Variants in ACOX3 observed in about 807,000 individuals in gnomAD.
ACOX3 encodes the protein acyl-CoA oxidase 3, pristanoyl, also known as peroxisomal acyl-coenzyme A oxidase 3.
Under a neutral mutation model 81.5 loss-of-function variants are expected in ACOX3, and 73 were observed. The ratio of observed to expected loss-of-function variants is 0.90; its 90% CI spans 0.74 to 1.09. The LOEUF (loss-of-function observed/expected upper bound fraction) is 1.09, where lower values mean the gene tolerates loss of function less well. Ranked by LOEUF, ACOX3 falls within the 50% of genes least tolerant of loss-of-function variation. The probability of loss-of-function intolerance (pLI) is 0.00; values close to 1 mark genes in which losing one functional copy is unlikely to be tolerated. For synonymous variants in ACOX3, 387 were observed against 375.1 expected (o/e 1.03, Z -0.37); for missense variants, 947 against 928.0 (o/e 1.02, Z -0.27).
In ACOX3 at chr4:8,381,201, A is replaced by T. The variant is rs1031748898; in HGVS notation, c.1653+291T>A. Among the ~76,000 whole-genome samples, 2 of 152,214 alleles carry T rather than the reference A, an allele frequency of 1.3e-5. No homozygotes were observed. Among genetic ancestry groups the T allele is most frequent in the Non-Finnish European group, 2.9e-5 (2 of 68,044 alleles). On this transcript the variant is annotated intron_variant, in intron 14 of 17. Coordinates refer to ENST00000356406, the MANE Select transcript of ACOX3 (RefSeq NM_003501.3). This position sits in a 1 kb window ranked among gnomAD's most constrained non-coding sequence, Gnocchi z 4.3. ...CAATGGTGTCTCCGCCACTCTGTGC[A>T]TCCAAGGCTCTCACAACCCAGAGCT...
At position 8,399,595 on chromosome 4, in the gene ACOX3, T is replaced by A. The variant is rs1363177837; in HGVS notation, c.834A>T (p.Gly278=). 1 of 1,614,084 alleles carries A rather than the reference T, an allele frequency of 6.2e-7. No homozygotes were observed. The highest frequency in any genetic ancestry group is 1.1e-5 in the South Asian group (1 of 91,074). ...VPRQSLLNRM[G]DVTPEGTYVS... ...CATAGGTGCCCTCGGGGGTGACGTCTCCCATCCGGTTCAGAAGGCTCTGGC... is the reference window on the plus strand; with the variant it reads ...CATAGGTGCCCTCGGGGGTGACGTCACCCATCCGGTTCAGAAGGCTCTGGC... The change falls in exon 8 of 18, where the codon GGA becomes GGT. Residue 278 remains glycine (G), a synonymous_variant. Coordinates refer to ENST00000356406, the MANE Select transcript of ACOX3 (RefSeq NM_003501.3). The surrounding 1 kb of genome is among the most constrained non-coding windows in gnomAD (Gnocchi z 4.9).
rs1374909108 is a variant in ACOX3 at position 8,406,291 on chromosome 4, C to G, written c.688-248G>C. 1.3e-5 allele frequency among the ~76,000 whole-genome samples: 2 copies of G among 152,122 alleles called. No individual in the cohort carries two copies. The highest frequency in any genetic ancestry group is 2.9e-5 in the Non-Finnish European group (2 of 68,036). On this transcript the variant is annotated intron_variant, in intron 6 of 17. Coordinates refer to ENST00000356406, the MANE Select transcript of ACOX3 (RefSeq NM_003501.3). The surrounding 1 kb of genome is among the most constrained non-coding windows in gnomAD (Gnocchi z 5.6). ...TCAAGATAAGGTCATCCCAAATCAC[C>G]CAGGTGGGCCCTAAATCCCACGGCA...
At chr4:8,365,661 A>G (rs1181030001), downstream of ACOX3, among the ~76,000 whole-genome samples, 1 of 152,214 alleles carries the variant, frequency 6.6e-6, no homozygotes. Flanking sequence ...CTGAGTGCTC[A>G]GTAAGGTGCT....
At chr4:8,433,261 T>C (rs1434892697) in intron 1 of ACOX3, among the ~76,000 whole-genome samples, 1 of 152,248 alleles carries the variant, frequency 6.6e-6, no homozygotes, top group African/African-American at 2.4e-5. Context: ...AGTTATTCAC[T>C]ATGAGATTAT....
At chr4:8,356,100 A>C in the ACOX3 span, 1 of 217,114 alleles carries the variant, frequency 4.6e-6, no homozygotes, top group Non-Finnish European at 9.4e-6. Flanking sequence ...GGAAGAGGAG[A>C]CTTACCATGT....
In ACOX3 at chr4:8,394,573, C is replaced by A; in HGVS notation, c.1179+47G>T. ...AAGGTTGAATCTATGCTGCTCCAAC[C>A]GTGTGAGATTTAAACGATGCTGCTG... On this transcript the variant is annotated intron_variant, in intron 10 of 17. Transcript: ENST00000356406. The surrounding 1 kb of genome is among the most constrained non-coding windows in gnomAD (Gnocchi z 5.9). 1.2e-6 allele frequency: 2 copies of A among 1,603,344 alleles called. No homozygotes were observed. Among genetic ancestry groups the A allele is most frequent in the South Asian group, 2.2e-5 (2 of 90,474 alleles).
At position 8,432,149 on chromosome 4, in the gene ACOX3, G is replaced by A. The variant is rs1579007372; in HGVS notation, c.-15+8499C>T. ...GGTAGGCAGCTGAAAACGGTGTTGG[G>A]AAAGAGTTGTGGAACATAAATGTGG... On this transcript the variant is annotated intron_variant, in intron 1 of 17. Coordinates refer to ENST00000356406, the MANE Select transcript of ACOX3 (RefSeq NM_003501.3). This position sits in a 1 kb window ranked among gnomAD's most constrained non-coding sequence, Gnocchi z 6.2. Among the ~76,000 whole-genome samples, 1 of 152,208 alleles carries A rather than the reference G, an allele frequency of 6.6e-6. No homozygotes were observed. Among genetic ancestry groups the A allele is most frequent in the African/African-American group, 2.4e-5 (1 of 41,438 alleles).
rs1448276715 is a variant in ACOX3 at position 8,381,850 on chromosome 4, C to G, written c.1538-243G>C. Among the ~76,000 whole-genome samples, 1 of 152,248 alleles carries G rather than the reference C, an allele frequency of 6.6e-6. No individual in the cohort carries two copies. The highest frequency in any genetic ancestry group is 2.1e-4 in the South Asian group (1 of 4,838). On this transcript the variant is annotated intron_variant, in intron 13 of 17. Transcript: ENST00000356406. The surrounding 1 kb of genome is among the most constrained non-coding windows in gnomAD (Gnocchi z 4.3). ...GCTCAGCCCAGGGCTGTCCTGAGTT[C>G]TACACTGTTCCAGCAGCCTGGAGGC...
chr4:8,399,781 G>T lies in ACOX3; in HGVS notation c.777-129C>A. The T allele has an allele frequency of 1.3e-6, 1 of 763,952 alleles. No homozygotes were observed. Among genetic ancestry groups the T allele is most frequent in the Non-Finnish European group, 2.2e-6 (1 of 463,046 alleles). The allele number at this position is 763,952 out of a possible 1,614,324, so 47.3% of individuals were successfully genotyped here. A position where few individuals can be genotyped will look rare whatever the true frequency, so the allele number is the denominator to read the frequency against. On this transcript the variant is annotated intron_variant, in intron 7 of 17. Coordinates refer to ENST00000356406, the MANE Select transcript of ACOX3 (RefSeq NM_003501.3). The surrounding 1 kb of genome is among the most constrained non-coding windows in gnomAD (Gnocchi z 4.9). Reference sequence around the variant, plus strand: ...AAAATGGCAGAGGGCAAGTAGACAGGAACATTCAACCAACTTTCTATTCAA... The same window carrying T: ...AAAATGGCAGAGGGCAAGTAGACAGTAACATTCAACCAACTTTCTATTCAA...
chr4:8,374,884 G>A (rs1286046931), intron 15 of ACOX3, 94 bp downstream of exon 15: 3 of 1,357,156 alleles, frequency 2.2e-6, no homozygotes, highest in South Asian at 1.6e-5. Context: ...GAGTCCCGTG[G>A]AAGGAGGACG....
At chr4:8,435,771 G>A (rs2109052489) in intron 1 of ACOX3, among the ~76,000 whole-genome samples, 1 of 152,282 alleles carries the variant, frequency 6.6e-6, no homozygotes, top group South Asian at 2.1e-4. Flanking sequence ...TTGAAAAGGG[G>A]AGTCCCAGAA....
At chr4:8,398,550 T>A (rs984713141) in intron 8 of ACOX3, among the ~76,000 whole-genome samples, 1 of 152,204 alleles carries the variant, frequency 6.6e-6, no homozygotes, top group Non-Finnish European at 1.5e-5. Context: ...GATGCAATCA[T>A]AGCTCACTGC....
intron 7 of ACOX3, among the ~76,000 whole-genome samples, chr4:8,403,873 C>T (rs1049530805): frequency 1.2e-4 from 19 of 152,278 alleles, no homozygotes; most frequent in African/African-American, 3.6e-4. Context: ...TTGCTCACAC[C>T]CGAGGCCACC....
Position 8,381,395 on chromosome 4 carries a change from G to A in ACOX3, c.1653+97C>T. On this transcript the variant is annotated intron_variant, in intron 14 of 17. Transcript: ENST00000356406. This position sits in a 1 kb window ranked among gnomAD's most constrained non-coding sequence, Gnocchi z 4.3. ...AAGGTCACGGGAGCTCGGGGTCTGG[G>A]GCCTGAATTGCCAGGATGTTCAAAC... 6 of 1,104,268 alleles carry A rather than the reference G, an allele frequency of 5.4e-6. No homozygotes were observed. Among genetic ancestry groups the A allele is most frequent in the South Asian group, 1.4e-5 (1 of 70,398 alleles). 68.4% of individuals were successfully genotyped at this position (1,104,268 alleles called of 1,614,324 possible).
the ACOX3 span, among the ~76,000 whole-genome samples, chr4:8,360,760 C>G: frequency 7.3e-4 from 111 of 152,318 alleles, 2 homozygotes; most frequent in Middle Eastern, 0.041. Context: ...GGGTGAGCCA[C>G]TGCGCCCAAC....
At chr4:8,373,454 G>T (rs1228308169) in intron 16 of ACOX3, 107 bp downstream of exon 16, 3 of 1,198,628 alleles carry the variant, frequency 2.5e-6, no homozygotes, top group African/African-American at 1.5e-5. Flanking sequence ...CAGTCTGGGT[G>T]ATACTAAGGC....
At chr4:8,412,980 T>A (rs1403549771) in intron 5 of ACOX3, among the ~76,000 whole-genome samples, 2 of 136,930 alleles carry the variant, frequency 1.5e-5, no homozygotes, top group Non-Finnish European at 3.1e-5. Flanking sequence ...AGGGCATCCA[T>A]CTGTGGCCTG....
Position 8,389,276 on chromosome 4 carries a change from G to A in ACOX3, c.1434C>T (p.Cys478=). The A allele has an allele frequency of 6.2e-7, 1 of 1,612,754 alleles. No homozygotes were observed. Among genetic ancestry groups the A allele is most frequent in the Non-Finnish European group, 8.5e-7 (1 of 1,179,460 alleles). Residue 478 remains cysteine (C), a synonymous_variant, in exon 13 of 18, where the codon TGC becomes TGT. Transcript: ENST00000356406. This position sits in a 1 kb window ranked among gnomAD's most constrained non-coding sequence, Gnocchi z 5.3. The stretch of plus-strand genomic sequence containing the variant: ...CCACTGACTTCAGCGGACTGCGGAA[G>A]CAAGCTCCATCTAGGACACACATTC... ...LLAHQVHDGA[C]FRSPLKSVDF...
chr4:8,395,355 G>A (rs1218842692), intron 9 of ACOX3, among the ~76,000 whole-genome samples: 1 of 148,644 alleles, frequency 6.7e-6, no homozygotes, highest in African/African-American at 2.5e-5. Context: ...TGGATGGGTG[G>A]GTGGATGCGT....
Sources: gnomAD v4.1 joint callset for allele counts (sites outside exome capture counted in the v4.1 genomes callset) on GRCh38, gnomAD v4.1.1 for gene constraint, Gnocchi (gnomAD v3.1) non-coding constraint, MANE v1.5 for transcripts, NCBI Gene and HGNC (gene_info 2026-07-23, HGNC 2026-07-21) for gene names.